Variants in SUCLG2 observed in about 807,000 individuals in gnomAD.
SUCLG2 encodes succinate-CoA ligase GDP-forming subunit beta.
Under a neutral mutation model 47.9 loss-of-function variants are expected in SUCLG2, and 42 were observed. The observed-to-expected ratio is 0.88, with a 90% CI of 0.69 to 1.14. SUCLG2 has a LOEUF of 1.14. Ranked by LOEUF, SUCLG2 falls within the 50% of genes most tolerant of loss-of-function variation. The pLI is 0.00. For missense variants in SUCLG2, 571 were observed against 525.9 expected (o/e 1.09, Z -0.84); for synonymous variants, 195 against 197.3 (o/e 0.99, Z 0.10).
chr3:67,410,803 A>G (rs1235598354), intron 9 of SUCLG2, among the ~76,000 whole-genome samples: 1 of 152,216 alleles, frequency 6.6e-6, no homozygotes, highest in African/African-American at 2.4e-5. Flanking sequence ...TTGACTCTTC[A>G]GAAATATTTG....
In SUCLG2 at chr3:67,441,311, C is replaced by A. The variant is rs185373065; in HGVS notation, c.1063-40460G>T. 6.5e-3 allele frequency among the ~76,000 whole-genome samples: 986 copies of A among 151,386 alleles called. 9 individuals carry two copies. Among genetic ancestry groups the A allele is most frequent in the Admixed American group, 8.6e-3 (131 of 15,176 alleles). ...TGATGGGTGCAGCAAACCACCATGG[C>A]ATGTGTATAACTATGTAACAAACGT... On this transcript the variant is annotated intron_variant, in intron 9 of 10. Coordinates refer to ENST00000307227, the MANE Select transcript of SUCLG2 (RefSeq NM_003848.4).
chr3:67,618,439 T>C (rs535120702), intron 1 of SUCLG2, among the ~76,000 whole-genome samples: 159 of 152,274 alleles, frequency 1.0e-3, no homozygotes, highest in African/African-American at 3.3e-3. Flanking sequence ...ATGTGCTACT[T>C]ACTATAAGTA....
At chr3:67,472,279 T>TA (rs1404371982) in intron 9 of SUCLG2, among the ~76,000 whole-genome samples, 2 of 152,196 alleles carry the variant, frequency 1.3e-5, no homozygotes, top group Non-Finnish European at 2.9e-5. Context: ...ACTTGTACAT[T>TA]AAAAAATATT....
chr3:67,458,648 C>T (rs1174002052), intron 9 of SUCLG2, among the ~76,000 whole-genome samples: 2 of 152,148 alleles, frequency 1.3e-5, no homozygotes, highest in Non-Finnish European at 2.9e-5. Context: ...TCACATCACA[C>T]ACACTAGCAA....
At chr3:67,632,953 C>CA (rs1700951304) in intron 1 of SUCLG2, among the ~76,000 whole-genome samples, 1 of 152,192 alleles carries the variant, frequency 6.6e-6, no homozygotes, top group South Asian at 2.1e-4. Flanking sequence ...TCTACACTGT[C>CA]AAGCAAAGAA....
At position 67,599,964 on chromosome 3, in the gene SUCLG2, T is replaced by C. The variant is rs181135027; in HGVS notation, c.226+9491A>G. Among the ~76,000 whole-genome samples, 10 of 152,376 alleles carry C rather than the reference T, an allele frequency of 6.6e-5. No individual in the cohort carries two copies. In the South Asian group the frequency reaches 1.9e-3, roughly 28 times the overall value. ...ACTCAAGTACAGCCTTAGTACTATT[T>C]ATGAACATCTGTTAAACATTGCCAA... is the stretch of plus-strand genomic sequence containing the variant. On this transcript the variant is annotated intron_variant, in intron 2 of 10. Transcript: ENST00000307227.
chr3:67,522,562 G>A (rs1020217890), intron 4 of SUCLG2, among the ~76,000 whole-genome samples: 2 of 151,894 alleles, frequency 1.3e-5, no homozygotes, highest in East Asian at 3.9e-4. Context: ...AACAAGAACA[G>A]TGAAAGATAT....
chr3:67,392,429 T>C (rs536744140), intron 10 of SUCLG2, among the ~76,000 whole-genome samples: 5 of 152,320 alleles, frequency 3.3e-5, no homozygotes, highest in Admixed American at 6.5e-5. Context: ...CACGTAAACA[T>C]TAGACAAAGG....
chr3:67,595,603 G>A (rs1708274719), intron 2 of SUCLG2, among the ~76,000 whole-genome samples: 1 of 152,142 alleles, frequency 6.6e-6, no homozygotes, highest in African/African-American at 2.4e-5. Flanking sequence ...TGGACTTTGG[G>A]CTTGGAAGCA....
intron 10 of SUCLG2, among the ~76,000 whole-genome samples, chr3:67,381,130 T>C (rs1436864696): frequency 6.6e-6 from 1 of 151,970 alleles, no homozygotes; most frequent in Non-Finnish European, 1.5e-5. Context: ...TGAGCTGTGA[T>C]TGCACCACTG....
At chr3:67,555,421 C>A (rs1461776485) in intron 2 of SUCLG2, among the ~76,000 whole-genome samples, 1 of 152,060 alleles carries the variant, frequency 6.6e-6, no homozygotes, top group Non-Finnish European at 1.5e-5. Context: ...CATACTACCT[C>A]CTGAGATGGC....
chr3:67,491,557 G>T (rs1483999597), intron 9 of SUCLG2, among the ~76,000 whole-genome samples: 1 of 151,824 alleles, frequency 6.6e-6, no homozygotes, highest in Non-Finnish European at 1.5e-5. Flanking sequence ...TAGAGACGGG[G>T]TTTTACCATT....
At chr3:67,414,630 T>C (rs540010012) in intron 9 of SUCLG2, among the ~76,000 whole-genome samples, 5 of 152,076 alleles carry the variant, frequency 3.3e-5, no homozygotes, top group African/African-American at 1.2e-4. Context: ...CTTTCCTGTT[T>C]TCAAAAGCCA....
chr3:67,641,114 T>C (rs1415327536), intron 1 of SUCLG2, among the ~76,000 whole-genome samples: 1 of 152,200 alleles, frequency 6.6e-6, no homozygotes, highest in African/African-American at 2.4e-5. Flanking sequence ...TGCTATTGTT[T>C]AAAATATTTC....
chr3:67,395,334 C>A (rs1702498849), intron 10 of SUCLG2, among the ~76,000 whole-genome samples: 1 of 152,004 alleles, frequency 6.6e-6, no homozygotes, highest in Non-Finnish European at 1.5e-5. Context: ...GAAGATCTAC[C>A]AAGCAAATGG....
At chr3:67,376,640 T>A (rs768424328) in intron 10 of SUCLG2, 4 of 395,462 alleles carry the variant, frequency 1.0e-5, no homozygotes, top group Non-Finnish European at 1.4e-5. Context: ...CTTGGAGAAC[T>A]TGCCTTACCA....
At chr3:67,569,546 A>C (rs1423718896) in intron 2 of SUCLG2, among the ~76,000 whole-genome samples, 1 of 152,232 alleles carries the variant, frequency 6.6e-6, no homozygotes, top group African/African-American at 2.4e-5. Flanking sequence ...AATTATTCTC[A>C]AGCCTTAAAA....
chr3:67,616,653 C>A (rs1287846646), intron 1 of SUCLG2, among the ~76,000 whole-genome samples: 2 of 152,156 alleles, frequency 1.3e-5, no homozygotes, highest in Non-Finnish European at 2.9e-5. Flanking sequence ...AAAAGCCAGG[C>A]TTTAACACAA....
rs1706857737 is a variant in SUCLG2 at position 67,546,149 on chromosome 3, A to G, written c.227-16963T>C. ...TGGGGGAAGTCAGGCCAAGTGTTAT[A>G]AATGGGAAATGAGGGAATTAACAAG... On this transcript the variant is annotated intron_variant, in intron 2 of 10. Coordinates refer to ENST00000307227, the MANE Select transcript of SUCLG2 (RefSeq NM_003848.4). Among the ~76,000 whole-genome samples the G allele has an allele frequency of 1.3e-5, 2 of 152,230 alleles. 1 individual carries two copies. Among genetic ancestry groups the G allele is most frequent in the South Asian group, 4.1e-4 (2 of 4,836 alleles).
Sources: gnomAD v4.1 joint callset for allele counts (sites outside exome capture counted in the v4.1 genomes callset) on GRCh38, gnomAD v4.1.1 for gene constraint, MANE v1.5 for transcripts, NCBI Gene and HGNC (gene_info 2026-07-23, HGNC 2026-07-21) for gene names.